The following PLA2G6 variants were observed in gnomAD, a reference collection of about 807,000 sequenced individuals.
PLA2G6 encodes phospholipase A2 group VI, also known as 85/88 kDa calcium-independent phospholipase A2.
PLA2G6 carries 62 observed loss-of-function variants against 83.8 expected under a neutral mutation model. The ratio of observed to expected loss-of-function variants is 0.74; its 90% CI spans 0.60 to 0.91. PLA2G6 has a LOEUF of 0.91. Among genes scored for constraint, PLA2G6 ranks in the 40% least tolerant of loss-of-function variants. The pLI is 0.00. For synonymous variants in PLA2G6, 417 were observed against 449.8 expected (o/e 0.93, Z 0.92); for missense variants, 944 against 1,102.0 (o/e 0.86, Z 2.03).
intron 1 of PLA2G6, among the ~76,000 whole-genome samples, chr22:38,179,512 G>A (rs966584346): frequency 3.3e-5 from 5 of 152,274 alleles, no homozygotes; most frequent in African/African-American, 9.6e-5. Context: ...GGCCTGGCGC[G>A]GTGGCTCACA....
intron 2 of PLA2G6, chr22:38,148,446 C>T (rs2089387561): frequency 1.4e-6 from 1 of 710,848 alleles, no homozygotes; most frequent in East Asian, 2.7e-5. Context: ...TATTAAAAAA[C>T]ATCTGCTGGC....
intron 1 of PLA2G6, among the ~76,000 whole-genome samples, chr22:38,174,135 G>A (rs962263128): frequency 2.0e-5 from 3 of 152,158 alleles, no homozygotes; most frequent in African/African-American, 7.2e-5. Flanking sequence ...AGTGGCTCAC[G>A]CCTGTAATCC....
chr22:38,140,353 C>G (rs974657136), intron 4 of PLA2G6, 184 bp from the exon 5 acceptor site: 4 of 585,580 alleles, frequency 6.8e-6, no homozygotes, highest in Non-Finnish European at 1.2e-5. Flanking sequence ...TCTAACGATA[C>G]AAAAATTAGC....
intron 5 of PLA2G6, 40 bp downstream of exon 5, chr22:38,139,942 G>A (rs772803160): frequency 6.8e-7 from 1 of 1,478,136 alleles, no homozygotes; most frequent in South Asian, 1.2e-5. Context: ...GAGAGCTGGA[G>A]CCCAGCAGGC....
At chr22:38,120,040 G>A (rs1392136348) in intron 12 of PLA2G6, among the ~76,000 whole-genome samples, 1 of 152,106 alleles carries the variant, frequency 6.6e-6, no homozygotes, top group Non-Finnish European at 1.5e-5. Flanking sequence ...AGGGGATGCC[G>A]GGCCCCTAAG....
chr22:38,153,269 TA>T (rs2089646446), intron 2 of PLA2G6, among the ~76,000 whole-genome samples: 1 of 152,076 alleles, frequency 6.6e-6, no homozygotes, highest in Non-Finnish European at 1.5e-5. Context: ...CCGTCCCTAC[TA>T]AAAATACAAA....
chr22:38,171,712 T>C (rs1334482334), intron 1 of PLA2G6, among the ~76,000 whole-genome samples: 4 of 151,652 alleles, frequency 2.6e-5, no homozygotes, highest in Non-Finnish European at 4.4e-5. Flanking sequence ...TCCCAGCTAC[T>C]TGGGAGACTG....
intron 2 of PLA2G6, among the ~76,000 whole-genome samples, chr22:38,152,086 G>C (rs746010873): frequency 6.5e-4 from 99 of 152,146 alleles, no homozygotes; most frequent in African/African-American, 1.2e-3. Context: ...TGTTGGAGGT[G>C]GGGGGCTAAT....
intron 5 of PLA2G6, chr22:38,139,142 A>T: frequency 6.6e-6 from 1 of 152,324 alleles, no homozygotes; most frequent in East Asian, 1.9e-4. Flanking sequence ...GTGGACGGGC[A>T]CTCGGCCACC....
chr22:38,157,838 C>T (rs888908511), intron 2 of PLA2G6, among the ~76,000 whole-genome samples: 4 of 151,964 alleles, frequency 2.6e-5, no homozygotes, highest in Non-Finnish European at 5.9e-5. Context: ...GTGTCGAGAC[C>T]AGCCTGGCCA....
intron 2 of PLA2G6, among the ~76,000 whole-genome samples, chr22:38,161,358 A>G (rs2090002791): frequency 6.6e-6 from 1 of 152,102 alleles, no homozygotes; most frequent in Non-Finnish European, 1.5e-5. Flanking sequence ...GCAGAGACAG[A>G]TCATCTCTTT....
At chr22:38,178,515 G>A (rs2090723085) in intron 1 of PLA2G6, among the ~76,000 whole-genome samples, 1 of 152,202 alleles carries the variant, frequency 6.6e-6, no homozygotes, top group South Asian at 2.1e-4. Flanking sequence ...CGAGGCTGCA[G>A]TGAGCTGTGA....
chr22:38,113,283 AC>A (rs2086991750), intron 15 of PLA2G6, among the ~76,000 whole-genome samples: 1 of 148,422 alleles, frequency 6.7e-6, no homozygotes, highest in Non-Finnish European at 1.5e-5. Context: ...GCGTTTGAAA[AC>A]CCCCCTGCTG....
chr22:38,142,493 T>C (rs1257039170), intron 4 of PLA2G6: 2 of 159,136 alleles, frequency 1.3e-5, no homozygotes, highest in African/African-American at 4.8e-5. Flanking sequence ...ACAGTTTGGT[T>C]TGCTTGGTTT....
At chr22:38,175,872 A>G (rs150631225) in intron 1 of PLA2G6, among the ~76,000 whole-genome samples, 1 of 152,266 alleles carries the variant, frequency 6.6e-6, no homozygotes, top group East Asian at 1.9e-4. Flanking sequence ...TGGGTGTTTA[A>G]TAAGTTTGGT....
intron 7 of PLA2G6, chr22:38,130,297 G>C (rs949476491): frequency 1.3e-5 from 2 of 155,320 alleles, no homozygotes; most frequent in African/African-American, 4.8e-5. Context: ...CATTAACTGT[G>C]ATTTTTTGTT....
At chr22:38,176,687 C>T (rs2090644391) in intron 1 of PLA2G6, among the ~76,000 whole-genome samples, 1 of 152,194 alleles carries the variant, frequency 6.6e-6, no homozygotes, top group South Asian at 2.1e-4. Flanking sequence ...GGCCACCATG[C>T]CTCACGGTTG....
At chr22:38,147,638 T>C (rs537981288) in intron 2 of PLA2G6, 1 of 154,050 alleles carries the variant, frequency 6.5e-6, no homozygotes, top group African/African-American at 2.4e-5. Flanking sequence ...CCCCCTGGGT[T>C]CAAGTGATTC....
chr22:38,124,921 G>A (rs1336724391), intron 10 of PLA2G6, among the ~76,000 whole-genome samples: 1 of 152,176 alleles, frequency 6.6e-6, no homozygotes, highest in Non-Finnish European at 1.5e-5. Flanking sequence ...TCAACCCAGA[G>A]GGCGCAGGGC....
Sources: allele counts gnomAD v4.1 joint callset (sites outside exome capture counted in the v4.1 genomes callset), GRCh38; gene constraint gnomAD v4.1.1; transcripts MANE v1.5; gene names NCBI Gene and HGNC (gene_info 2026-07-23, HGNC 2026-07-21).